The following STX8 variants were observed in gnomAD, a reference collection of about 807,000 sequenced individuals.
The protein encoded by STX8 is syntaxin 8, also known as syntaxin-8.
STX8 carries 23 observed loss-of-function variants against 37.5 expected under a neutral mutation model. The ratio of observed to expected loss-of-function variants is 0.61; its 90% CI spans 0.44 to 0.87. STX8 has a LOEUF of 0.87. Among genes scored for constraint, STX8 ranks in the 40% least tolerant of loss-of-function variants. The pLI is 0.00. For missense variants in STX8, 313 were observed against 284.7 expected (o/e 1.10, Z -0.71); for synonymous variants, 115 against 99.1 (o/e 1.16, Z -0.95).
At position 9,552,367 on chromosome 17, in the gene STX8, T is replaced by C. The variant is rs189735509; in HGVS notation, c.212+5067A>G. On this transcript the variant is annotated intron_variant, in intron 3 of 7. Transcript: ENST00000306357. ...TAAAAAGTCAGAAAAAAAGTTCTTA[T>C]AAATCAAAAAACTTCTGCTACACAA... Among the ~76,000 whole-genome samples, 275 of 152,284 alleles carry C rather than the reference T, an allele frequency of 1.8e-3. 3 individuals carry two copies. Among genetic ancestry groups the C allele is most frequent in the Non-Finnish European group, 2.9e-3 (199 of 68,022 alleles).
chr17:9,553,085 A>G (rs1018815995), intron 3 of STX8: 1 of 152,230 alleles, frequency 6.6e-6, no homozygotes, highest in African/African-American at 2.4e-5. Context: ...CAACAAAAGG[A>G]TAAGTTTCAT....
intron 5 of STX8, among the ~76,000 whole-genome samples, chr17:9,499,902 CT>C (rs1904550548): frequency 6.6e-6 from 1 of 152,186 alleles, no homozygotes; most frequent in Non-Finnish European, 1.5e-5. Flanking sequence ...AAAGCAACCC[CT>C]GAAAATAGCA....
intron 6 of STX8, among the ~76,000 whole-genome samples, chr17:9,429,397 A>C (rs889975668): frequency 6.9e-6 from 1 of 144,628 alleles, no homozygotes; most frequent in Non-Finnish European, 1.5e-5. Flanking sequence ...TATATATTAT[A>C]AATATATAAA....
chr17:9,378,713 C>T lies in STX8; in HGVS notation c.542-60G>A. ...AATACCCCGGTTCACATCACAGTAT[C>T]ACAGCTGTGGTTGTTCATCCTAGCA... is the stretch of plus-strand genomic sequence containing the variant. On this transcript the variant is annotated intron_variant, in intron 6 of 7. Coordinates refer to ENST00000306357, the MANE Select transcript of STX8 (RefSeq NM_004853.3). The T allele has an allele frequency of 2.4e-6, 3 of 1,260,516 alleles. No homozygotes were observed. In the South Asian group the frequency reaches 3.6e-5, roughly 15 times the overall value. 78.1% of individuals were successfully genotyped at this position (1,260,516 alleles called of 1,614,324 possible).
intron 7 of STX8, among the ~76,000 whole-genome samples, chr17:9,338,922 T>C (rs928553027): frequency 6.6e-6 from 1 of 151,774 alleles, no homozygotes; most frequent in Non-Finnish European, 1.5e-5. Context: ...ATACAAAAAA[T>C]TAGCTGGTTG....
intron 2 of STX8, among the ~76,000 whole-genome samples, chr17:9,559,711 T>A (rs1249582514): frequency 1.4e-5 from 2 of 138,956 alleles, no homozygotes; most frequent in African/African-American, 2.7e-5. Flanking sequence ...GTTAAGAGAA[T>A]CAACTGAAAG....
At chr17:9,551,883 A>G (rs979849229) in intron 3 of STX8, among the ~76,000 whole-genome samples, 2 of 151,980 alleles carry the variant, frequency 1.3e-5, no homozygotes, top group Non-Finnish European at 2.9e-5. Flanking sequence ...TAATATGTCC[A>G]AAAAAACTAG....
chr17:9,429,230 T>A (rs1913752594), intron 6 of STX8, among the ~76,000 whole-genome samples: 1 of 149,214 alleles, frequency 6.7e-6, no homozygotes, highest in Non-Finnish European at 1.5e-5. Context: ...TTAAAATTGT[T>A]TTGAGATATA....
At chr17:9,431,216 T>G (rs957338457) in intron 6 of STX8, among the ~76,000 whole-genome samples, 3 of 146,146 alleles carry the variant, frequency 2.1e-5, no homozygotes, top group Non-Finnish European at 4.5e-5. Flanking sequence ...GTAGCATTTT[T>G]GTTGTTGTTG....
chr17:9,253,210 GT>G (rs1906656624), intron 7 of STX8, among the ~76,000 whole-genome samples: 3 of 133,162 alleles, frequency 2.3e-5, no homozygotes, highest in African/African-American at 7.1e-5. Flanking sequence ...GGGTAGGGGT[GT>G]GTGTGTGTGT....
intron 2 of STX8, among the ~76,000 whole-genome samples, chr17:9,558,473 G>T (rs775064786): frequency 6.6e-6 from 1 of 152,102 alleles, no homozygotes; most frequent in Non-Finnish European, 1.5e-5. Flanking sequence ...CATACCCCTG[G>T]GAACCAAGGA....
rs373993960 is a variant in STX8, at chr17:9,413,044, TAAG to T, written c.542-34394_542-34392del. On this transcript the variant is annotated intron_variant, in intron 6 of 7. Coordinates refer to ENST00000306357, the MANE Select transcript of STX8 (RefSeq NM_004853.3). ...GGCATTGGGCTAAGTCCTAGATGTATAAGAATGACTGACTGATGGAGATACAAC... is the reference window on the plus strand; with the variant it reads ...GGCATTGGGCTAAGTCCTAGATGTATAATGACTGACTGATGGAGATACAAC... Among the ~76,000 whole-genome samples the T allele has an allele frequency of 1.1e-4, 17 of 152,296 alleles. No individual in the cohort carries two copies. The East Asian group carries it at 2.9e-3, about 26-fold the overall frequency.
intron 7 of STX8, among the ~76,000 whole-genome samples, chr17:9,270,685 T>C (rs1284030078): frequency 2.6e-5 from 4 of 152,198 alleles, no homozygotes; most frequent in South Asian, 4.1e-4. Flanking sequence ...AATGAACGAA[T>C]GAAAGCATAC....
At chr17:9,474,474 G>A (rs1407811584) in intron 6 of STX8, among the ~76,000 whole-genome samples, 1 of 152,042 alleles carries the variant, frequency 6.6e-6, no homozygotes, top group Non-Finnish European at 1.5e-5. Context: ...CCGGGTTCAA[G>A]TGATTCTCCT....
chr17:9,372,762 C>T (rs184414339), intron 7 of STX8, among the ~76,000 whole-genome samples: 13 of 150,118 alleles, frequency 8.7e-5, no homozygotes, highest in Admixed American at 5.3e-4. Flanking sequence ...AGGCATGAGC[C>T]ACCACGCCCA....
At chr17:9,509,465 GAA>G (rs1904953165) in intron 4 of STX8, among the ~76,000 whole-genome samples, 2 of 151,566 alleles carry the variant, frequency 1.3e-5, no homozygotes, top group Non-Finnish European at 2.9e-5. Context: ...AAATGAAAGA[GAA>G]ATAAAATCTT....
intron 3 of STX8, among the ~76,000 whole-genome samples, chr17:9,546,901 G>GC (rs1567605686): frequency 7.7e-6 from 1 of 130,448 alleles, no homozygotes; most frequent in African/African-American, 2.9e-5. Flanking sequence ...CCAGACACAA[G>GC]TTTTTGTTTG....
At chr17:9,459,101 G>C (rs1035259617) in intron 6 of STX8, among the ~76,000 whole-genome samples, 1 of 152,060 alleles carries the variant, frequency 6.6e-6, no homozygotes, top group Non-Finnish European at 1.5e-5. Flanking sequence ...CAAAGTGCTC[G>C]AATTACAGGC....
intron 6 of STX8, among the ~76,000 whole-genome samples, chr17:9,418,909 CCTCT>C (rs1340232338): frequency 2.0e-5 from 3 of 147,554 alleles, no homozygotes; most frequent in Non-Finnish European, 4.5e-5. Context: ...CACACCCCCC[CCTCT>C]TTTTTTTTCT....
Sources: gnomAD v4.1 joint callset for allele counts (sites outside exome capture counted in the v4.1 genomes callset) on GRCh38, gnomAD v4.1.1 for gene constraint, MANE v1.5 for transcripts, NCBI Gene and HGNC (gene_info 2026-07-23, HGNC 2026-07-21) for gene names.